HDAC9: variants seen among roughly 807,000 people sequenced by gnomAD.
The protein encoded by HDAC9 is MEF-2 interacting transcription repressor (MITR) protein.
In HDAC9, 41 loss-of-function variants were observed where a neutral mutation model predicts 139.4. The observed-to-expected ratio is 0.29, with a 90% CI of 0.23 to 0.38. The LOEUF (loss-of-function observed/expected upper bound fraction) is 0.38. HDAC9 is among the 10% of genes least tolerant of loss of function. The pLI is 1.00. For missense variants in HDAC9, 1,147 were observed against 1,297.0 expected, an observed-to-expected ratio of 0.88 and a Z score of 1.78; for synonymous variants, 517 against 476.2, an observed-to-expected ratio of 1.09 and a Z score of -1.12.
At chr7:18,205,402 CTG>C (rs1791430019) in intron 2 of HDAC9, among the ~76,000 whole-genome samples, 1 of 151,882 alleles carries the variant, frequency 6.6e-6, no homozygotes, top group Non-Finnish European at 1.5e-5. Context: ...GTGTTACAAA[CTG>C]TGAATATGGA....
intron 2 of HDAC9, among the ~76,000 whole-genome samples, chr7:18,499,663 A>C (rs1797861524): frequency 6.6e-6 from 1 of 152,188 alleles, no homozygotes; most frequent in African/African-American, 2.4e-5. Flanking sequence ...CTGTCCAGAC[A>C]ATATTGGAAC....
chr7:18,537,813 A>G (rs559230893), intron 2 of HDAC9, among the ~76,000 whole-genome samples: 1 of 152,324 alleles, frequency 6.6e-6, no homozygotes, highest in South Asian at 2.1e-4. Context: ...CTTAGTGGCC[A>G]CAGACATTGA....
At chr7:18,537,310 T>C (rs887640201) in intron 2 of HDAC9, among the ~76,000 whole-genome samples, 11 of 152,012 alleles carry the variant, frequency 7.2e-5, no homozygotes, top group African/African-American at 2.7e-4. Context: ...GGAACCAAAC[T>C]AAGGGGTTTG....
chr7:18,121,801 A>G (rs766689598), intron 1 of HDAC9, among the ~76,000 whole-genome samples: 2 of 151,120 alleles, frequency 1.3e-5, no homozygotes, highest in Non-Finnish European at 3.0e-5. Context: ...TTTTACAGGC[A>G]TTACTAATGA....
At chr7:18,434,481 T>C (rs1368590826) in intron 1 of HDAC9, among the ~76,000 whole-genome samples, 3 of 152,176 alleles carry the variant, frequency 2.0e-5, no homozygotes, top group African/African-American at 7.2e-5. Flanking sequence ...GAGAAAATAT[T>C]TGCAAACTAT....
intron 22 of HDAC9, among the ~76,000 whole-genome samples, chr7:18,880,789 T>C (rs1799675996): frequency 7.3e-6 from 1 of 136,518 alleles, no homozygotes; most frequent in African/African-American, 2.7e-5. Flanking sequence ...TACCCCCAAA[T>C]GTAAAAGTTA....
intron 17 of HDAC9, among the ~76,000 whole-genome samples, chr7:18,811,105 T>G (rs1389338887): frequency 6.6e-6 from 1 of 151,680 alleles, no homozygotes; most frequent in Admixed American, 6.6e-5. Context: ...AATGTCAGCT[T>G]TCTTATTCCT....
chr7:18,908,107 A>G (rs987652948), intron 22 of HDAC9, among the ~76,000 whole-genome samples: 8 of 152,106 alleles, frequency 5.3e-5, no homozygotes, highest in African/African-American at 1.7e-4. Flanking sequence ...GAGACATGAA[A>G]TGTCTCAAAT....
chr7:18,510,583 C>G (rs575871374), intron 2 of HDAC9, among the ~76,000 whole-genome samples: 8 of 152,198 alleles, frequency 5.3e-5, no homozygotes, highest in African/African-American at 1.9e-4. Context: ...CAATTGCTAT[C>G]TAGCTCATCT....
In HDAC9 at chr7:18,526,173, T is replaced by G. The variant is rs528702674; in HGVS notation, c.22+29849T>G. ...ATAATGGATTATCACATGAGCTTTG[T>G]AATTTATACTATTTTGTTGGAATTG... is the stretch of plus-strand genomic sequence containing the variant. On this transcript the variant is annotated intron_variant, in intron 2 of 25. Coordinates refer to ENST00000686413, the MANE Select transcript of HDAC9 (RefSeq NM_178425.4). 3.3e-5 allele frequency among the ~76,000 whole-genome samples: 5 copies of G among 152,340 alleles called. No homozygotes were observed. In the South Asian group the frequency reaches 1.0e-3, roughly 32 times the overall value.
intron 21 of HDAC9, among the ~76,000 whole-genome samples, chr7:18,855,112 C>T (rs544802871): frequency 6.6e-6 from 1 of 152,276 alleles, no homozygotes; most frequent in South Asian, 2.1e-4. Context: ...ACTCTACTCT[C>T]CAGAAGCCGT....
intron 21 of HDAC9, among the ~76,000 whole-genome samples, chr7:18,868,226 C>G (rs12530969): frequency 0.44 from 66,576 of 151,832 alleles, 15,214 homozygotes; most frequent in African/African-American, 0.57. Flanking sequence ...ATAAATGGGT[C>G]AATTGAGTGT....
intron 2 of HDAC9, among the ~76,000 whole-genome samples, chr7:18,506,553 C>T (rs898176556): frequency 6.6e-6 from 1 of 151,182 alleles, no homozygotes; most frequent in Non-Finnish European, 1.5e-5. Flanking sequence ...AATCTAAATT[C>T]TATTCAATTT....
intron 1 of HDAC9, among the ~76,000 whole-genome samples, chr7:18,458,486 T>C (rs1278698004): frequency 1.3e-5 from 2 of 152,200 alleles, no homozygotes; most frequent in Non-Finnish European, 2.9e-5. Context: ...ATTAATACTC[T>C]TGTAGTTTGT....
chr7:18,752,050 T>G (rs1226524886), intron 14 of HDAC9, among the ~76,000 whole-genome samples: 1 of 152,118 alleles, frequency 6.6e-6, no homozygotes, highest in Non-Finnish European at 1.5e-5. Flanking sequence ...TATGCAAATA[T>G]TTTACTATGT....
chr7:18,622,738 T>C (rs909308718), intron 6 of HDAC9, among the ~76,000 whole-genome samples: 81 of 152,272 alleles, frequency 5.3e-4, no homozygotes, highest in South Asian at 1.2e-3. Flanking sequence ...TTCCATTTTT[T>C]CCTTATGATA....
intron 19 of HDAC9, among the ~76,000 whole-genome samples, chr7:18,834,664 A>G (rs1214818490): frequency 6.6e-6 from 1 of 152,166 alleles, no homozygotes; most frequent in East Asian, 1.9e-4. Context: ...ACCCCATGCC[A>G]TCTTTCTGCT....
intron 8 of HDAC9, among the ~76,000 whole-genome samples, chr7:18,643,067 GC>G (rs1786231721): frequency 6.6e-6 from 1 of 151,910 alleles, no homozygotes; most frequent in Non-Finnish European, 1.5e-5. Flanking sequence ...ACTATTTACT[GC>G]CAATAAGCTA....
At chr7:18,757,539 G>A (rs1219383253) in intron 14 of HDAC9, among the ~76,000 whole-genome samples, 1 of 152,070 alleles carries the variant, frequency 6.6e-6, no homozygotes, top group Admixed American at 6.6e-5. Flanking sequence ...CAAAGGCACT[G>A]CTTTTTCATG....
Sources: gnomAD v4.1 joint callset for allele counts (sites outside exome capture counted in the v4.1 genomes callset) on GRCh38, gnomAD v4.1.1 for gene constraint, MANE v1.5 for transcripts, NCBI Gene and HGNC (gene_info 2026-07-23, HGNC 2026-07-21) for gene names.